WIF1: variants seen among roughly 807,000 people sequenced by gnomAD.
WIF1 encodes Wnt inhibitory factor 1.
A neutral mutation model predicts 53.5 loss-of-function variants in WIF1; 35 were observed. The observed-to-expected ratio is 0.65, with a 90% CI of 0.50 to 0.87. WIF1 has a LOEUF of 0.87. Ranked by LOEUF, WIF1 falls within the 40% of genes least tolerant of loss-of-function variation. The probability of loss-of-function intolerance (pLI) is 0.00; values close to 1 mark genes in which losing one functional copy is unlikely to be tolerated. For synonymous variants in WIF1, 171 were observed against 170.4 expected, an observed-to-expected ratio of 1.00 and a Z score of -0.03; for missense variants, 467 against 476.8, an observed-to-expected ratio of 0.98 and a Z score of 0.19.
At chr12:65,066,536 T>C in intron 6 of WIF1, 105 bp downstream of exon 6, 1 of 889,870 alleles carries the variant, frequency 1.1e-6, no homozygotes. Flanking sequence ...CCCTAAGCCA[T>C]ACATTCTCAG....
chr12:65,066,062 A>C (rs1882682118), intron 6 of WIF1, among the ~76,000 whole-genome samples: 1 of 152,278 alleles, frequency 6.6e-6, no homozygotes, highest in South Asian at 2.1e-4. Flanking sequence ...AATTTAGGAC[A>C]TACTAAAATT....
chr12:65,066,775 A>G, intron 5 of WIF1, 39 bp from the exon 6 acceptor site: 5 of 1,480,304 alleles, frequency 3.4e-6, no homozygotes, highest in Non-Finnish European at 4.6e-6. Flanking sequence ...GCCAAATGGT[A>G]TTTTGGAGCA....
chr12:65,063,674 TACTCACTTTGGC>T (rs1882646198), intron 6 of WIF1, among the ~76,000 whole-genome samples: 1 of 151,654 alleles, frequency 6.6e-6, no homozygotes, highest in South Asian at 2.1e-4. Context: ...GGAAGTGCTG[TACTCACTTTGGC>T]AAATCAAAAC....
intron 2 of WIF1, among the ~76,000 whole-genome samples, chr12:65,109,867 A>G (rs904428693): frequency 6.6e-6 from 1 of 152,208 alleles, no homozygotes; most frequent in Non-Finnish European, 1.5e-5. Flanking sequence ...CACTTAGAAG[A>G]GTGCCCGGCT....
chr12:65,109,242 G>C (rs1883395070), intron 2 of WIF1, among the ~76,000 whole-genome samples: 1 of 152,178 alleles, frequency 6.6e-6, no homozygotes, highest in Admixed American at 6.5e-5. Flanking sequence ...CAGGTCTGCT[G>C]TTACCTCCTT....
rs866918013 is a variant in WIF1, at chr12:65,095,295, G to A, written c.289-17441C>T. Among the ~76,000 whole-genome samples, 7 of 151,960 alleles carry A rather than the reference G, an allele frequency of 4.6e-5. No individual in the cohort carries two copies. In the South Asian group the frequency reaches 1.5e-3, roughly 32 times the overall value. ...TGAAAGTTGCCAAAGCCACTTCTGA[G>A]CAAATTTGTGTCTCTGGATTCTCTA... On this transcript the variant is annotated intron_variant, in intron 2 of 9. Coordinates refer to ENST00000286574, the MANE Select transcript of WIF1 (RefSeq NM_007191.5).
chr12:65,087,048 G>A (rs1280424476), intron 2 of WIF1, among the ~76,000 whole-genome samples: 1 of 152,142 alleles, frequency 6.6e-6, no homozygotes, highest in East Asian at 1.9e-4. Flanking sequence ...TACTCTGGAG[G>A]CTGAGGCAGG....
intron 2 of WIF1, among the ~76,000 whole-genome samples, chr12:65,111,601 CT>C (rs1157539747): frequency 2.0e-5 from 3 of 152,190 alleles, no homozygotes; most frequent in Non-Finnish European, 4.4e-5. Context: ...TCTGGAGTTA[CT>C]TTTCCTCTGT....
chr12:65,104,437 C>T (rs1053221878), intron 2 of WIF1, among the ~76,000 whole-genome samples: 2 of 152,178 alleles, frequency 1.3e-5, no homozygotes, highest in Non-Finnish European at 2.9e-5. Flanking sequence ...TTTCAAAGGG[C>T]TCAAATTGCA....
intron 2 of WIF1, among the ~76,000 whole-genome samples, chr12:65,096,807 T>C (rs191832596): frequency 6.6e-6 from 1 of 151,264 alleles, no homozygotes; most frequent in East Asian, 2.0e-4. Flanking sequence ...TAAGTGAGAG[T>C]TGAACAATGA....
rs188384907 is a variant in WIF1 at position 65,105,419 on chromosome 12, A to G, written c.288+14998T>C. 2.2e-3 allele frequency among the ~76,000 whole-genome samples: 333 copies of G among 152,256 alleles called. 1 individual carries two copies. Among genetic ancestry groups the G allele is most frequent in the Non-Finnish European group, 3.9e-3 (267 of 68,024 alleles). ...TGCCTGTCTGTTTTGTGTTGCTGTA[A>G]CAGAATAGGCTGGGTAATTTTAAAA... On this transcript the variant is annotated intron_variant, in intron 2 of 9. Coordinates refer to ENST00000286574, the MANE Select transcript of WIF1 (RefSeq NM_007191.5).
chr12:65,115,289 A>AG (rs1256322108), intron 2 of WIF1, among the ~76,000 whole-genome samples: 36 of 152,254 alleles, frequency 2.4e-4, no homozygotes, highest in African/African-American at 8.2e-4. Flanking sequence ...ATAGTTATCA[A>AG]GATCAAATCT....
intron 8 of WIF1, 101 bp from the exon 9 acceptor site, chr12:65,055,314 G>T: frequency 1.5e-6 from 2 of 1,314,614 alleles, no homozygotes; most frequent in East Asian, 2.5e-5. Context: ...TGTTAGTTTT[G>T]GCTTCATCCT....
At chr12:65,053,643 C>G (rs1205431163) in intron 9 of WIF1, among the ~76,000 whole-genome samples, 1 of 152,148 alleles carries the variant, frequency 6.6e-6, no homozygotes, top group African/African-American at 2.4e-5. Context: ...ATACATTACT[C>G]AGTCTCTGAA....
intron 1 of WIF1, 173 bp from the exon 2 acceptor site, chr12:65,120,729 A>G (rs564649658): frequency 6.8e-6 from 6 of 876,134 alleles, no homozygotes; most frequent in Non-Finnish European, 1.0e-5. Context: ...GGATGATGAG[A>G]ATGATGCCAA....
At chr12:65,073,866 A>T (rs1882819214) in intron 3 of WIF1, among the ~76,000 whole-genome samples, 1 of 152,106 alleles carries the variant, frequency 6.6e-6, no homozygotes, top group African/African-American at 2.4e-5. Context: ...CTTCAAAAAG[A>T]CTATGTGTGT....
intron 7 of WIF1, among the ~76,000 whole-genome samples, chr12:65,061,970 T>C (rs1042207179): frequency 1.3e-5 from 2 of 152,226 alleles, no homozygotes; most frequent in Non-Finnish European, 2.9e-5. Flanking sequence ...TGTTGCTGTT[T>C]GTGCTACTAT....
intron 2 of WIF1, among the ~76,000 whole-genome samples, chr12:65,099,030 G>A (rs1883243417): frequency 6.6e-6 from 1 of 152,136 alleles, no homozygotes; most frequent in African/African-American, 2.4e-5. Flanking sequence ...GAGCATTTGG[G>A]AAGAGAATAT....
At chr12:65,085,012 T>C (rs1184895377) in intron 2 of WIF1, among the ~76,000 whole-genome samples, 1 of 152,190 alleles carries the variant, frequency 6.6e-6, no homozygotes, top group East Asian at 1.9e-4. Context: ...CACAAACCTT[T>C]GGCAATGAGG....
Sources: allele counts gnomAD v4.1 joint callset (sites outside exome capture counted in the v4.1 genomes callset), GRCh38; gene constraint gnomAD v4.1.1; transcripts MANE v1.5; gene names NCBI Gene and HGNC (gene_info 2026-07-23, HGNC 2026-07-21).